ADAMTS18: variants seen among roughly 807,000 people sequenced by gnomAD.
ADAMTS18 encodes the protein ADAM metallopeptidase with thrombospondin type 1 motif 18, also known as A disintegrin and metalloproteinase with thrombospondin motifs 18.
ADAMTS18 carries 157 observed loss-of-function variants against 165.9 expected under a neutral mutation model. That is an observed-to-expected ratio of 0.95 (90% CI 0.83 to 1.08). The LOEUF is 1.08. ADAMTS18 is among the 50% of genes least tolerant of loss of function. The pLI, the probability that ADAMTS18 is intolerant of heterozygous loss-of-function variation, is 0.00. For missense variants in ADAMTS18, 2,040 were observed against 1,534.0 expected, an observed-to-expected ratio of 1.33 and a Z score of -5.51; for synonymous variants, 782 against 578.2, an observed-to-expected ratio of 1.35 and a Z score of -5.06.
At chr16:77,308,944 C>T (rs534637194) in intron 16 of ADAMTS18, among the ~76,000 whole-genome samples, 159 of 152,154 alleles carry the variant, frequency 1.0e-3, no homozygotes, top group African/African-American at 3.5e-3. Flanking sequence ...ATTCCCAAAC[C>T]CAATAAAATA....
chr16:77,417,763 T>TA (rs924459755), intron 3 of ADAMTS18, among the ~76,000 whole-genome samples: 4 of 152,130 alleles, frequency 2.6e-5, no homozygotes, highest in Admixed American at 2.0e-4. Context: ...ATCATCATAA[T>TA]AAAAAAAGTG....
chr16:77,390,817 T>A (rs1419964268), intron 3 of ADAMTS18, among the ~76,000 whole-genome samples: 1 of 152,186 alleles, frequency 6.6e-6, no homozygotes, highest in Non-Finnish European at 1.5e-5. Context: ...TTATTTAAAT[T>A]TGATCCATTA....
intron 3 of ADAMTS18, among the ~76,000 whole-genome samples, chr16:77,418,224 G>C (rs17688488): frequency 0.11 from 16,633 of 152,066 alleles, 1,058 homozygotes; most frequent in Middle Eastern, 0.3. Flanking sequence ...CAGCAGCTAA[G>C]TACCTCAAAC....
chr16:77,324,268 C>T (rs1597122847), intron 13 of ADAMTS18, among the ~76,000 whole-genome samples: 2 of 152,172 alleles, frequency 1.3e-5, no homozygotes, highest in East Asian at 3.9e-4. Context: ...GGAAATCTTC[C>T]AAGTCTGGAA....
chr16:77,335,150 C>T (rs2056287690), intron 12 of ADAMTS18, among the ~76,000 whole-genome samples: 1 of 149,700 alleles, frequency 6.7e-6, no homozygotes, highest in Non-Finnish European at 1.5e-5. Context: ...TACTATTCAG[C>T]CATTATAAAA....
chr16:77,431,323 G>A lies in ADAMTS18; in HGVS notation c.467C>T (p.Ser156Phe), dbSNP rs763484903. ...QGFIRNDSSS[S>F]VAVSTCAGLS... ...GCCAGCACACGTAGACACAGCGACA[G>A]AGGAGGAGCTGTCATTTCTGATAAA... Residue 156 changes from serine to phenylalanine, a missense_variant, in exon 3 of 23, where the codon TCT (serine) becomes TTT (phenylalanine). Transcript: ENST00000282849. 6.2e-7 allele frequency: 1 copy of A among 1,614,034 alleles called. No individual in the cohort carries two copies. Among genetic ancestry groups the A allele is most frequent in the African/African-American group, 1.3e-5 (1 of 74,912 alleles).
Position 77,285,506 on chromosome 16 carries a change from T to A in ADAMTS18, c.3551-1435A>T, listed in dbSNP as rs2055232461. Among the ~76,000 whole-genome samples, 3 of 151,062 alleles carry A rather than the reference T, an allele frequency of 2.0e-5. No homozygotes were observed. The South Asian group carries it at 6.2e-4, about 31-fold the overall frequency. On this transcript the variant is annotated intron_variant, in intron 22 of 22. Coordinates refer to ENST00000282849, the MANE Select transcript of ADAMTS18 (RefSeq NM_199355.4). ...TATTTTTAAGGCACAGTTTTGACTT[T>A]AAAAATATTTAGAGTATACACTACA...
intron 4 of ADAMTS18, among the ~76,000 whole-genome samples, chr16:77,366,480 C>T (rs1398251229): frequency 1.3e-5 from 2 of 152,114 alleles, no homozygotes. Flanking sequence ...ATTGCTTGAA[C>T]CTGGTGGGGT....
rs140185837 is a variant in ADAMTS18 at position 77,407,295 on chromosome 16, C to G, written c.495+24000G>C. On this transcript the variant is annotated intron_variant, in intron 3 of 22. Coordinates refer to ENST00000282849, the MANE Select transcript of ADAMTS18 (RefSeq NM_199355.4). Reference sequence around the variant, plus strand: ...ATAACAATCTAAGAATGAGCAAGATCTCTATAATGAAAACTACAAAACACC... The same window carrying G: ...ATAACAATCTAAGAATGAGCAAGATGTCTATAATGAAAACTACAAAACACC... Among the ~76,000 whole-genome samples, 222 of 152,092 alleles carry G rather than the reference C, an allele frequency of 1.5e-3. No homozygotes were observed. In the Middle Eastern group the frequency reaches 0.017, roughly 12 times the overall value.
intron 3 of ADAMTS18, among the ~76,000 whole-genome samples, chr16:77,374,823 C>G (rs980000829): frequency 1.3e-5 from 2 of 152,142 alleles, no homozygotes; most frequent in African/African-American, 4.8e-5. Context: ...AGCCTGTCAT[C>G]TTCCTATTCA....
chr16:77,364,843 C>A (rs559424931), intron 4 of ADAMTS18, among the ~76,000 whole-genome samples: 197 of 152,094 alleles, frequency 1.3e-3, no homozygotes, highest in Non-Finnish European at 2.3e-3. Flanking sequence ...TGGTGGCTCA[C>A]GCCCGTAATC....
At chr16:77,434,540 C>A in intron 1 of ADAMTS18, 35 bp from the exon 2 acceptor site, 1 of 1,536,798 alleles carries the variant, frequency 6.5e-7, no homozygotes, top group Non-Finnish European at 8.7e-7. Context: ...GCGTGAGGGG[C>A]GCGGCGGGGC....
chr16:77,411,101 C>T (rs2057457022), intron 3 of ADAMTS18, among the ~76,000 whole-genome samples: 1 of 152,136 alleles, frequency 6.6e-6, no homozygotes, highest in African/African-American at 2.4e-5. Flanking sequence ...AGTAGTATGG[C>T]AGCAATGATT....
intron 7 of ADAMTS18, among the ~76,000 whole-genome samples, chr16:77,360,697 T>C (rs774893093): frequency 6.2e-4 from 94 of 152,206 alleles, no homozygotes; most frequent in Non-Finnish European, 6.9e-4. Flanking sequence ...CCAAAATCAT[T>C]GTGTTTTTGA....
At chr16:77,391,801 G>T (rs141547899) in intron 3 of ADAMTS18, among the ~76,000 whole-genome samples, 3 of 152,098 alleles carry the variant, frequency 2.0e-5, no homozygotes, top group African/African-American at 7.2e-5. Context: ...CAGGCAAGGG[G>T]ACCCAGGAAT....
intron 11 of ADAMTS18, among the ~76,000 whole-genome samples, chr16:77,337,737 G>A (rs2056331814): frequency 6.6e-6 from 1 of 152,056 alleles, no homozygotes; most frequent in African/African-American, 2.4e-5. Context: ...ATTACGTTAG[G>A]CTGCTATCAC....
chr16:77,381,333 G>A (rs942306829), intron 3 of ADAMTS18, among the ~76,000 whole-genome samples: 4 of 152,174 alleles, frequency 2.6e-5, no homozygotes, highest in East Asian at 3.9e-4. Flanking sequence ...GCTGGACTCT[G>A]AAGGTATGAC....
chr16:77,306,013 C>T, intron 16 of ADAMTS18, among the ~76,000 whole-genome samples: 1 of 152,180 alleles, frequency 6.6e-6, no homozygotes, highest in Non-Finnish European at 1.5e-5. Flanking sequence ...CACCGCATCC[C>T]TCCCGTAATG....
At position 77,382,943 on chromosome 16, in the gene ADAMTS18, G is replaced by C. The variant is rs117418436; in HGVS notation, c.496-15220C>G. Among the ~76,000 whole-genome samples the C allele has an allele frequency of 8.7e-3, 1,332 of 152,298 alleles. 10 individuals carry two copies. The highest frequency in any genetic ancestry group is 0.014 in the Non-Finnish European group (943 of 68,028). ...GGAGAAGATCCTACCTCATATCCAT[G>C]TAAGTTGTGTGCTTTAATGTGAATT... On this transcript the variant is annotated intron_variant, in intron 3 of 22. Transcript: ENST00000282849.
Sources: allele counts gnomAD v4.1 joint callset (sites outside exome capture counted in the v4.1 genomes callset), GRCh38; gene constraint gnomAD v4.1.1; transcripts MANE v1.5; gene names NCBI Gene and HGNC (gene_info 2026-07-23, HGNC 2026-07-21).